NEGR1: variants seen among roughly 807,000 people sequenced by gnomAD.
NEGR1 encodes the protein IgLON family member 4.
Under a neutral mutation model 40.9 loss-of-function variants are expected in NEGR1, and 10 were observed. The ratio of observed to expected loss-of-function variants is 0.24; its 90% confidence interval spans 0.15 to 0.42. The LOEUF (loss-of-function observed/expected upper bound fraction) is 0.42. Among genes scored for constraint, NEGR1 ranks in the 10% least tolerant of loss-of-function variants. The probability of loss-of-function intolerance (pLI) is 1.00; values close to 1 mark genes in which losing one functional copy is unlikely to be tolerated. For synonymous variants in NEGR1, 185 were observed against 166.8 expected, an observed-to-expected ratio of 1.11 and a Z score of -0.84; for missense variants, 352 against 438.9, an observed-to-expected ratio of 0.80 and a Z score of 1.77.
intron 4 of NEGR1, among the ~76,000 whole-genome samples, chr1:71,622,750 G>C (rs978026094): frequency 1.3e-5 from 2 of 151,732 alleles, no homozygotes; most frequent in South Asian, 2.1e-4. Context: ...ATATACATGG[G>C]GTAATAGATG....
chr1:71,498,941 T>C (rs151059908), intron 6 of NEGR1, among the ~76,000 whole-genome samples: 126 of 152,306 alleles, frequency 8.3e-4, no homozygotes, highest in Non-Finnish European at 1.5e-3. Context: ...CAGCCAGTTT[T>C]ATCCAAAGTC....
chr1:71,525,596 G>C (rs553023553), intron 6 of NEGR1, among the ~76,000 whole-genome samples: 3 of 151,618 alleles, frequency 2.0e-5, no homozygotes, highest in Non-Finnish European at 4.4e-5. Flanking sequence ...ACTGTACAGA[G>C]AATGATTTTT....
chr1:71,869,845 G>A (rs969069475), intron 2 of NEGR1, among the ~76,000 whole-genome samples: 3 of 150,928 alleles, frequency 2.0e-5, no homozygotes, highest in African/African-American at 4.9e-5. Flanking sequence ...ATATAGTAAT[G>A]AGTTGCTTAA....
rs1176430646 is a variant in NEGR1, at chr1:71,815,299, A to G, written c.410-39002T>C. Among the ~76,000 whole-genome samples, 3 of 151,914 alleles carry G rather than the reference A, an allele frequency of 2.0e-5. No individual in the cohort carries two copies. In the South Asian group the frequency reaches 6.2e-4, roughly 31 times the overall value. On this transcript the variant is annotated intron_variant, in intron 2 of 6. Coordinates refer to ENST00000357731, the MANE Select transcript of NEGR1 (RefSeq NM_173808.3). ...TTAGTTGTGATTTCAGTTCTTTTGC[A>G]TTTGCTGAGGAGTGTTTTACTTCCA...
At chr1:71,853,679 CA>C (rs1171484047) in intron 2 of NEGR1, among the ~76,000 whole-genome samples, 2 of 152,060 alleles carry the variant, frequency 1.3e-5, no homozygotes, top group Non-Finnish European at 2.9e-5. Flanking sequence ...TATGAATTTA[CA>C]GGCTTTCTGT....
chr1:72,051,122 C>G (rs1030198428), intron 1 of NEGR1, among the ~76,000 whole-genome samples: 13 of 151,570 alleles, frequency 8.6e-5, no homozygotes, highest in Admixed American at 7.9e-4. Flanking sequence ...AAGCCCAGCC[C>G]TTCTCTAAAT....
chr1:71,784,270 T>C (rs1021106153), intron 2 of NEGR1, among the ~76,000 whole-genome samples: 1 of 152,090 alleles, frequency 6.6e-6, no homozygotes, highest in African/African-American at 2.4e-5. Flanking sequence ...GAAACACTGA[T>C]TTACAGAACA....
chr1:71,534,499 T>A (rs1031837867), intron 6 of NEGR1, among the ~76,000 whole-genome samples: 1 of 151,596 alleles, frequency 6.6e-6, no homozygotes, highest in Non-Finnish European at 1.5e-5. Flanking sequence ...AGATCTGGCA[T>A]GAAAGAATAT....
At chr1:71,771,698 T>TCAAAAAA (rs1656331035) in intron 3 of NEGR1, among the ~76,000 whole-genome samples, 1 of 2,230 alleles carries the variant, frequency 4.5e-4, no homozygotes, top group Non-Finnish European at 2.5e-3. Context: ...AGACTTAGTC[T>TCAAAAAA]CAAAAAAAAA....
chr1:71,699,189 G>A (rs1048235959), intron 3 of NEGR1, among the ~76,000 whole-genome samples: 3 of 151,854 alleles, frequency 2.0e-5, no homozygotes, highest in African/African-American at 7.2e-5. Flanking sequence ...TATAGAAGTT[G>A]GAGAACTAGT....
chr1:72,140,392 G>T (rs982282120), intron 1 of NEGR1, among the ~76,000 whole-genome samples: 4 of 151,956 alleles, frequency 2.6e-5, no homozygotes, highest in Admixed American at 6.6e-5. Context: ...CAAGATGCTG[G>T]CATCTGGTGA....
chr1:72,220,127 CAT>C (rs1017980248), intron 1 of NEGR1, among the ~76,000 whole-genome samples: 1 of 151,892 alleles, frequency 6.6e-6, no homozygotes, highest in African/African-American at 2.4e-5. Flanking sequence ...TATTTTAAAA[CAT>C]GTAACAACTC....
chr1:72,030,163 T>G, intron 1 of NEGR1, among the ~76,000 whole-genome samples: 1 of 151,950 alleles, frequency 6.6e-6, no homozygotes, highest in East Asian at 1.9e-4. Flanking sequence ...GAATGTAAAA[T>G]TATCACATGT....
intron 2 of NEGR1, among the ~76,000 whole-genome samples, chr1:71,862,623 G>T (rs529674946): frequency 6.6e-6 from 1 of 152,084 alleles, no homozygotes; most frequent in South Asian, 2.1e-4. Context: ...TTAATTTACT[G>T]ATATATTTCT....
At chr1:72,013,974 A>AT (rs1482036786) in intron 1 of NEGR1, among the ~76,000 whole-genome samples, 1 of 137,896 alleles carries the variant, frequency 7.3e-6, no homozygotes, top group African/African-American at 3.0e-5. Flanking sequence ...AAAAAAAAAA[A>AT]AAAAAAAAAA....
At position 71,931,665 on chromosome 1, in the gene NEGR1, A is replaced by G. The variant is rs530476664; in HGVS notation, c.409+3414T>C. On this transcript the variant is annotated intron_variant, in intron 2 of 6. Transcript: ENST00000357731. ...CATTAGCCCATTCATGAGAGCTCTC[A>G]TGAATGAATAACCAGCTTTTATTTG... Among the ~76,000 whole-genome samples, 4 of 152,244 alleles carry G rather than the reference A, an allele frequency of 2.6e-5. No homozygotes were observed. In the East Asian group the frequency reaches 7.7e-4, roughly 29 times the overall value.
chr1:71,602,920 T>C (rs913601754), intron 5 of NEGR1, among the ~76,000 whole-genome samples: 2 of 152,226 alleles, frequency 1.3e-5, no homozygotes, highest in African/African-American at 4.8e-5. Context: ...TTTCATATAT[T>C]TATTTGCATC....
At chr1:72,105,212 A>T (rs568048809) in intron 1 of NEGR1, among the ~76,000 whole-genome samples, 3 of 152,242 alleles carry the variant, frequency 2.0e-5, no homozygotes, top group Non-Finnish European at 4.4e-5. Context: ...ATTTTACATC[A>T]TTCCCATCAT....
At chr1:72,027,811 T>C (rs1254735137) in intron 1 of NEGR1, among the ~76,000 whole-genome samples, 1 of 152,212 alleles carries the variant, frequency 6.6e-6, no homozygotes, top group Middle Eastern at 3.2e-3. Context: ...CCTGGACAGA[T>C]AGCATGGCCA....
Sources: gnomAD v4.1 joint callset for allele counts (sites outside exome capture counted in the v4.1 genomes callset) on GRCh38, gnomAD v4.1.1 for gene constraint, MANE v1.5 for transcripts, NCBI Gene and HGNC (gene_info 2026-07-23, HGNC 2026-07-21) for gene names.